Variants in CA10 observed in about 807,000 individuals in gnomAD.
CA10 encodes carbonic anhydrase-related protein 10.
A neutral mutation model predicts 44.2 loss-of-function variants in CA10; 14 were observed. The observed-to-expected ratio is 0.32, with a 90% CI of 0.21 to 0.50. CA10 has a LOEUF of 0.50. Among genes scored for constraint, CA10 ranks in the 20% least tolerant of loss-of-function variants. CA10 has a pLI of 0.99. For missense variants in CA10, 350 were observed against 409.7 expected, an observed-to-expected ratio of 0.85 and a Z score of 1.26; for synonymous variants, 159 against 141.6, an observed-to-expected ratio of 1.12 and a Z score of -0.87.
intron 3 of CA10, among the ~76,000 whole-genome samples, chr17:51,812,506 TA>T: frequency 6.6e-6 from 1 of 152,320 alleles, no homozygotes; most frequent in Non-Finnish European, 1.5e-5. Context: ...AGTTGATTGG[TA>T]AACATTTACT....
chr17:52,136,339 A>C (rs1989357836), intron 1 of CA10, among the ~76,000 whole-genome samples: 1 of 152,156 alleles, frequency 6.6e-6, no homozygotes, highest in East Asian at 1.9e-4. Context: ...AAACACCACC[A>C]AGTCTGTCTC....
At chr17:51,787,897 C>A (rs1426095121) in intron 3 of CA10, among the ~76,000 whole-genome samples, 1 of 152,044 alleles carries the variant, frequency 6.6e-6, no homozygotes, top group Admixed American at 6.6e-5. Flanking sequence ...TTTAACTTTT[C>A]AAAAATCCAA....
At chr17:51,697,569 T>C (rs1915444732) in intron 4 of CA10, among the ~76,000 whole-genome samples, 1 of 152,216 alleles carries the variant, frequency 6.6e-6, no homozygotes, top group Non-Finnish European at 1.5e-5. Context: ...CTTCTTTCCA[T>C]AGCAGTTAAC....
chr17:51,765,835 C>CCAGA (rs1905362265), intron 3 of CA10, among the ~76,000 whole-genome samples: 1 of 151,672 alleles, frequency 6.6e-6, no homozygotes, highest in African/African-American at 2.4e-5. Context: ...ATGGCTCTGA[C>CCAGA]CAGACAGACA....
intron 3 of CA10, among the ~76,000 whole-genome samples, chr17:51,906,432 G>A (rs1485495680): frequency 6.6e-6 from 1 of 151,960 alleles, no homozygotes; most frequent in African/African-American, 2.4e-5. Flanking sequence ...TTTCTCACCG[G>A]ATGTGCCATC....
intron 2 of CA10, among the ~76,000 whole-genome samples, chr17:52,006,719 A>T (rs928009497): frequency 8.6e-5 from 13 of 151,874 alleles, no homozygotes; most frequent in Admixed American, 2.6e-4. Flanking sequence ...GAGATTTTTC[A>T]GTGTTGATAA....
At chr17:52,044,975 A>G (rs1986871635) in intron 2 of CA10, among the ~76,000 whole-genome samples, 1 of 151,882 alleles carries the variant, frequency 6.6e-6, no homozygotes, top group South Asian at 2.1e-4. Context: ...AGCTCAATGA[A>G]CCATAAAAAA....
chr17:51,928,330 A>G (rs181353439), intron 3 of CA10, among the ~76,000 whole-genome samples: 1 of 152,244 alleles, frequency 6.6e-6, no homozygotes, highest in East Asian at 1.9e-4. Context: ...AAAAATGAAT[A>G]TTTTCTATTA....
chr17:52,081,114 A>G (rs1987964127), intron 1 of CA10, among the ~76,000 whole-genome samples: 1 of 152,192 alleles, frequency 6.6e-6, no homozygotes, highest in African/African-American at 2.4e-5. Flanking sequence ...GACAGAGAAA[A>G]GGAAAGAACT....
At chr17:51,865,619 T>A (rs561802133) in intron 3 of CA10, among the ~76,000 whole-genome samples, 1 of 152,298 alleles carries the variant, frequency 6.6e-6, no homozygotes, top group East Asian at 1.9e-4. Flanking sequence ...TGTTGTCTCA[T>A]TCAACCCTTG....
intron 3 of CA10, among the ~76,000 whole-genome samples, chr17:51,852,427 A>G (rs1265855363): frequency 6.6e-6 from 1 of 152,198 alleles, no homozygotes; most frequent in Non-Finnish European, 1.5e-5. Flanking sequence ...TGAGTAGTTA[A>G]TATGTGTCAC....
intron 3 of CA10, among the ~76,000 whole-genome samples, chr17:51,902,155 G>A (rs1489843862): frequency 6.6e-6 from 1 of 152,090 alleles, no homozygotes; most frequent in Non-Finnish European, 1.5e-5. Context: ...TTCATTTCTG[G>A]AGATGACTAG....
At chr17:51,704,979 A>G (rs1034546400) in intron 4 of CA10, among the ~76,000 whole-genome samples, 2 of 151,536 alleles carry the variant, frequency 1.3e-5, no homozygotes, top group African/African-American at 4.9e-5. Context: ...AAAAAAAAAA[A>G]GAAAAAGAAA....
rs143118153 is a variant in CA10, at chr17:51,653,579, T to C, written c.561+62A>G. On this transcript the variant is annotated intron_variant, in intron 5 of 8. Transcript: ENST00000451037. ...ATATTTCTAACTCCAACAGAGACCG[T>C]AAATTGGTATTCTGATTGAGGTGGG... 4.2e-4 allele frequency: 387 copies of C among 916,844 alleles called. 2 individuals carry two copies. In the East Asian group the frequency reaches 9.3e-3, roughly 22 times the overall value. 56.8% of individuals were successfully genotyped at this position (916,844 alleles called of 1,614,324 possible). A position where few individuals can be genotyped will look rare whatever the true frequency, so the allele number is the denominator to read the frequency against.
intron 1 of CA10, among the ~76,000 whole-genome samples, chr17:52,126,023 C>A (rs1989110856): frequency 1.3e-5 from 2 of 152,216 alleles, no homozygotes; most frequent in African/African-American, 2.4e-5. Flanking sequence ...AGGGAATAAG[C>A]AAAGCCCCTG....
At chr17:52,140,247 T>TAA (rs1215254948) in intron 1 of CA10, among the ~76,000 whole-genome samples, 1 of 152,218 alleles carries the variant, frequency 6.6e-6, no homozygotes, top group Non-Finnish European at 1.5e-5. Context: ...TGTACTTCAA[T>TAA]AAAAGTTTAT....
chr17:51,898,767 T>C (rs73348442), intron 3 of CA10, among the ~76,000 whole-genome samples: 3,070 of 152,236 alleles, frequency 0.02, 85 homozygotes, highest in African/African-American at 0.07. Context: ...TTCTTTCTGG[T>C]TCATTCTTAG....
At chr17:51,991,165 T>C (rs1985025686) in intron 2 of CA10, among the ~76,000 whole-genome samples, 1 of 152,156 alleles carries the variant, frequency 6.6e-6, no homozygotes, top group Non-Finnish European at 1.5e-5. Context: ...AGAAAAATGA[T>C]GGAAAATGTA....
intron 4 of CA10, among the ~76,000 whole-genome samples, chr17:51,684,795 GATT>G (rs1364005932): frequency 6.6e-6 from 1 of 152,152 alleles, no homozygotes; most frequent in Non-Finnish European, 1.5e-5. Context: ...TGGATTCTTT[GATT>G]ATATCTCACT....
Sources: allele counts gnomAD v4.1 joint callset (sites outside exome capture counted in the v4.1 genomes callset), GRCh38; gene constraint gnomAD v4.1.1; transcripts MANE v1.5; gene names NCBI Gene and HGNC (gene_info 2026-07-23, HGNC 2026-07-21).